Variants in SHANK2 observed in about 807,000 individuals in gnomAD.
SHANK2 encodes the protein SH3 and multiple ankyrin repeat domains protein 2.
Under a neutral mutation model 133.7 loss-of-function variants are expected in SHANK2, and 43 were observed. The observed-to-expected ratio is 0.32, with a 90% CI of 0.25 to 0.41. SHANK2 has a LOEUF of 0.41. Among genes scored for constraint, SHANK2 ranks in the 10% least tolerant of loss-of-function variants. The probability of loss-of-function intolerance (pLI) is 1.00; values close to 1 mark genes in which losing one functional copy is unlikely to be tolerated. For synonymous variants in SHANK2, 1,017 were observed against 952.8 expected, an observed-to-expected ratio of 1.07 and a Z score of -1.24; for missense variants, 1,994 against 2,235.8, an observed-to-expected ratio of 0.89 and a Z score of 2.18.
Position 70,486,219 on chromosome 11 carries a change from A to C in SHANK2, c.4074T>G (p.Ala1358=), listed in dbSNP as rs1555153404. Residue 1358 remains alanine (A), a synonymous_variant, in exon 25 of 26, where the codon GCT becomes GCG. Coordinates refer to ENST00000601538, the MANE Select transcript of SHANK2 (RefSeq NM_012309.5). The surrounding 1 kb of genome is among the most constrained non-coding windows in gnomAD (Gnocchi z 8.0). ...GCTCGGGGGCAGCGGAGATCTGTAA[A>C]GCACCTTCGGTTTCGGAAACACCTT... ...VPEGVSETEG[A]LQISAAPEPT... is the part of the protein sequence containing the mutation. The C allele has an allele frequency of 6.2e-7, 1 of 1,613,844 alleles. No individual in the cohort carries two copies. Among genetic ancestry groups the C allele is most frequent in the South Asian group, 1.1e-5 (1 of 91,078 alleles).
intron 14 of SHANK2, among the ~76,000 whole-genome samples, chr11:70,781,218 G>C (rs1444316171): frequency 6.6e-6 from 1 of 151,956 alleles, no homozygotes; most frequent in Admixed American, 6.5e-5. Context: ...ATGCAAAATA[G>C]GAACGACAAT....
chr11:70,876,243 G>GACACACACACACACACACACAC (rs3064243), intron 11 of SHANK2, among the ~76,000 whole-genome samples: 1 of 134,830 alleles, frequency 7.4e-6, no homozygotes, highest in Non-Finnish European at 1.6e-5. Context: ...CACACATATA[G>GACACACACACACACACACACAC]ACACACACAC....
At chr11:70,662,131 C>A in intron 15 of SHANK2, 1 of 358,802 alleles carries the variant, frequency 2.8e-6, no homozygotes, top group Non-Finnish European at 5.2e-6. Flanking sequence ...CAGGGAAGCC[C>A]GGGAAAATCA....
intron 14 of SHANK2, among the ~76,000 whole-genome samples, chr11:70,768,816 C>A (rs1947181627): frequency 6.6e-6 from 1 of 152,082 alleles, no homozygotes; most frequent in Non-Finnish European, 1.5e-5. Flanking sequence ...GCTGCTGAGG[C>A]CTTGGCTCTG....
At chr11:70,582,525 A>T (rs949273322) in intron 17 of SHANK2, among the ~76,000 whole-genome samples, 1 of 152,186 alleles carries the variant, frequency 6.6e-6, no homozygotes, top group African/African-American at 2.4e-5. Flanking sequence ...GCTCAGGTCC[A>T]TATCTGACCA....
intron 15 of SHANK2, among the ~76,000 whole-genome samples, chr11:70,683,290 T>G (rs185505036): frequency 1.1e-4 from 16 of 152,176 alleles, no homozygotes; most frequent in African/African-American, 3.6e-4. Flanking sequence ...TTTTCCTTAG[T>G]CCTAACCTTC....
rs576191810 is a variant in SHANK2 at position 71,183,963 on chromosome 11, T to A, written c.-12-36625A>T. Reference sequence around the variant, plus strand: ...CATCCAAAAGTAACATGGGAAGGGGTGTGTTCTACGCTTGTACTTCCCCAT... The same window carrying A: ...CATCCAAAAGTAACATGGGAAGGGGAGTGTTCTACGCTTGTACTTCCCCAT... On this transcript the variant is annotated intron_variant, in intron 2 of 25. Transcript: ENST00000601538. 7.9e-5 allele frequency among the ~76,000 whole-genome samples: 12 copies of A among 152,176 alleles called. No homozygotes were observed. The East Asian group carries it at 2.3e-3, about 29-fold the overall frequency.
intron 11 of SHANK2, among the ~76,000 whole-genome samples, chr11:70,825,315 T>C (rs1216950942): frequency 1.3e-5 from 2 of 152,114 alleles, no homozygotes; most frequent in Non-Finnish European, 2.9e-5. Context: ...TTATAAAAAT[T>C]GAAACCCCAG....
intron 5 of SHANK2, among the ~76,000 whole-genome samples, chr11:71,110,804 C>A (rs564661065): frequency 6.6e-6 from 1 of 152,210 alleles, no homozygotes; most frequent in Non-Finnish European, 1.5e-5. Context: ...CGTTCGCCAT[C>A]CTAGTGCTAC....
chr11:70,874,143 A>C (rs559561395), intron 11 of SHANK2, among the ~76,000 whole-genome samples: 2 of 151,870 alleles, frequency 1.3e-5, no homozygotes, highest in Non-Finnish European at 2.9e-5. Context: ...ATCCATATCC[A>C]TCTATCCATA....
chr11:70,488,545 AGAG>A (rs2058844278), intron 24 of SHANK2, among the ~76,000 whole-genome samples: 2 of 152,212 alleles, frequency 1.3e-5, no homozygotes, highest in South Asian at 4.1e-4. Context: ...ATTGCAGCTC[AGAG>A]GAGGGGCCAT....
intron 14 of SHANK2, among the ~76,000 whole-genome samples, chr11:70,794,260 AAC>A (rs1471155501): frequency 6.0e-5 from 9 of 149,246 alleles, no homozygotes; most frequent in African/African-American, 2.2e-4. Context: ...CAGTCTGGGC[AAC>A]AGAGACTCCG....
chr11:70,616,812 C>G (rs1425927842), intron 17 of SHANK2, among the ~76,000 whole-genome samples: 2 of 152,190 alleles, frequency 1.3e-5, no homozygotes, highest in African/African-American at 4.8e-5. Context: ...TGACCAGTCC[C>G]CAGGCGAGGG....
intron 14 of SHANK2, among the ~76,000 whole-genome samples, chr11:70,797,832 T>TACACACACAC (rs368707688): frequency 0.047 from 6,725 of 141,954 alleles, 189 homozygotes; most frequent in Non-Finnish European, 0.058. Context: ...TCCACTCTCA[T>TACACACACAC]ACACACACAC....
chr11:70,586,771 A>G (rs1310158874), intron 17 of SHANK2, among the ~76,000 whole-genome samples: 1 of 152,208 alleles, frequency 6.6e-6, no homozygotes, highest in Non-Finnish European at 1.5e-5. Context: ...GGGAGTGGGC[A>G]GGTGTCTCGA....
intron 17 of SHANK2, among the ~76,000 whole-genome samples, chr11:70,519,905 ATTTTTTTTTTTTTT>A (rs781977357): frequency 8.2e-6 from 1 of 121,478 alleles, no homozygotes; most frequent in Non-Finnish European, 1.7e-5. Context: ...ACCATGCCTA[ATTTTTTTTTTTTTT>A]TTTTTTTTTT....
chr11:70,543,656 G>C (rs575669678), intron 17 of SHANK2, among the ~76,000 whole-genome samples: 1 of 152,152 alleles, frequency 6.6e-6, no homozygotes. Context: ...ATAAGAAACC[G>C]GCAAACGTAT....
intron 17 of SHANK2, among the ~76,000 whole-genome samples, chr11:70,576,754 A>G (rs1292373331): frequency 6.6e-6 from 1 of 152,226 alleles, no homozygotes; most frequent in African/African-American, 2.4e-5. Context: ...TAAGACTGGG[A>G]TGCCCAGGGC....
chr11:70,693,119 C>A (rs1008628657), intron 15 of SHANK2, among the ~76,000 whole-genome samples: 1 of 152,170 alleles, frequency 6.6e-6, no homozygotes. Flanking sequence ...CACCTCTCTA[C>A]CCCACCTCCT....
Sources: gnomAD v4.1 joint callset for allele counts (sites outside exome capture counted in the v4.1 genomes callset) on GRCh38, gnomAD v4.1.1 for gene constraint, Gnocchi (gnomAD v3.1) non-coding constraint, MANE v1.5 for transcripts, NCBI Gene and HGNC (gene_info 2026-07-23, HGNC 2026-07-21) for gene names.